The following HEXB variants were observed in gnomAD, a reference collection of about 807,000 sequenced individuals.
HEXB encodes the protein beta-hexosaminidase subunit beta.
HEXB carries 51 observed loss-of-function variants against 71.2 expected under a neutral mutation model. The ratio of observed to expected loss-of-function variants is 0.72; its 90% CI spans 0.57 to 0.90. HEXB has a LOEUF of 0.90. HEXB is among the 40% of genes least tolerant of loss of function. The probability of loss-of-function intolerance (pLI) is 0.00; values close to 1 mark genes in which losing one functional copy is unlikely to be tolerated. For synonymous variants in HEXB, 266 were observed against 249.3 expected (o/e 1.07, Z -0.63); for missense variants, 617 against 677.0 (o/e 0.91, Z 0.98).
At chr5:74,670,565 T>A (rs1423364270) in intron 1 of HEXB, among the ~76,000 whole-genome samples, 2 of 152,120 alleles carry the variant, frequency 1.3e-5, no homozygotes, top group East Asian at 3.9e-4. Flanking sequence ...TAACAGGAAG[T>A]AGCAGCAGGG....
chr5:74,641,460 G>T lies in HEXB; in HGVS notation c.-377+902G>T, dbSNP rs183604402. The T allele has an allele frequency of 7.2e-5, 11 of 152,452 alleles. No homozygotes were observed. The East Asian group carries it at 2.1e-3, about 29-fold the overall frequency. The allele number at this position is 152,452 out of a possible 1,614,324, so 9.4% of individuals were successfully genotyped here. A position where few individuals can be genotyped will look rare whatever the true frequency, so the allele number is the denominator to read the frequency against. On this transcript the variant is annotated intron_variant, in intron 1 of 13. Coordinates refer to the HEXB transcript ENST00000511181. This position sits in a 1 kb window ranked among gnomAD's most constrained non-coding sequence, Gnocchi z 4.1. Reference sequence around the variant, plus strand: ...AGGCGACTGCAGGGGCAGCCGGGGCGCAGTCCTGCGGGGCGCGCACCACGT... The same window carrying T: ...AGGCGACTGCAGGGGCAGCCGGGGCTCAGTCCTGCGGGGCGCGCACCACGT...
intron 6 of HEXB, among the ~76,000 whole-genome samples, chr5:74,712,060 A>G (rs1433451881): frequency 4.8e-5 from 7 of 145,532 alleles, no homozygotes; most frequent in Non-Finnish European, 1.1e-4. Context: ...GACTGGATTA[A>G]GAAAATGTGG....
intron 1 of HEXB, 37 bp downstream of exon 1, chr5:74,685,596 G>A: frequency 6.6e-7 from 1 of 1,513,848 alleles, no homozygotes; most frequent in Non-Finnish European, 8.8e-7. Flanking sequence ...TTGTCCTGGG[G>A]GAGGGGAGAG....
upstream of HEXB, among the ~76,000 whole-genome samples, chr5:74,683,821 C>CTTT (rs35751282): frequency 2.2e-5 from 3 of 135,802 alleles, no homozygotes; most frequent in African/African-American, 8.5e-5. Flanking sequence ...TCTTTTCTTT[C>CTTT]TTTTTTTTTT....
intron 1 of HEXB, among the ~76,000 whole-genome samples, chr5:74,668,445 C>T (rs1748475777): frequency 6.6e-6 from 1 of 152,128 alleles, no homozygotes; most frequent in African/African-American, 2.4e-5. Context: ...GGTAGCCTGG[C>T]CCCCGTGGCA....
At chr5:74,714,046 A>G (rs917932874) in intron 7 of HEXB, among the ~76,000 whole-genome samples, 1 of 152,224 alleles carries the variant, frequency 6.6e-6, no homozygotes, top group Non-Finnish European at 1.5e-5. Context: ...CGTGTTACCC[A>G]GGATGGTCTT....
At chr5:74,699,043 G>A (rs1749185314) in intron 5 of HEXB, among the ~76,000 whole-genome samples, 1 of 151,860 alleles carries the variant, frequency 6.6e-6, no homozygotes, top group Non-Finnish European at 1.5e-5. Flanking sequence ...AAATTAGCCA[G>A]GCGTGGTGGT....
intron 1 of HEXB, among the ~76,000 whole-genome samples, chr5:74,663,899 G>C (rs191976943): frequency 1.8e-3 from 280 of 152,302 alleles, no homozygotes; most frequent in Middle Eastern, 6.8e-3. Context: ...GCTGAGACAG[G>C]AGGATTGCTT....
At chr5:74,699,355 A>G (rs1034625792) in intron 5 of HEXB, among the ~76,000 whole-genome samples, 13 of 150,118 alleles carry the variant, frequency 8.7e-5, no homozygotes, top group African/African-American at 2.7e-4. Context: ...GCTCACTGCT[A>G]CCTCCGCCTC....
intron 6 of HEXB, among the ~76,000 whole-genome samples, chr5:74,707,259 C>T (rs1245151587): frequency 6.6e-6 from 1 of 152,224 alleles, no homozygotes; most frequent in Non-Finnish European, 1.5e-5. Flanking sequence ...AACTAACAAA[C>T]AGAAAGGACA....
Position 74,715,709 on chromosome 5 carries a change from A to AC in HEXB, c.1082+23dup. 3.9e-6 allele frequency: 6 copies of AC among 1,532,876 alleles called. No homozygotes were observed. The highest frequency in any genetic ancestry group is 4.5e-6 in the Non-Finnish European group (5 of 1,110,662). The allele number at this position is 1,532,876 out of a possible 1,614,324, so 95.0% of individuals were successfully genotyped here. A position where few individuals can be genotyped will look rare whatever the true frequency, so the allele number is the denominator to read the frequency against. On this transcript the variant is annotated intron_variant, in intron 8 of 13. Transcript: ENST00000261416. ...AATGTTGGTAAGATGATTCCTTAAAACCCCTTTAAAAAAAAAAAAAAGAGA... is the reference window on the plus strand; with the variant it reads ...AATGTTGGTAAGATGATTCCTTAAAACCCCCTTTAAAAAAAAAAAAAAGAGA...
At chr5:74,640,562 G>A in intron 1 of HEXB, 1 of 152,300 alleles carries the variant, frequency 6.6e-6, no homozygotes, top group Non-Finnish European at 1.5e-5. Context: ...CGTCACGGTA[G>A]GGCAGAGCAA....
intron 1 of HEXB, among the ~76,000 whole-genome samples, chr5:74,650,129 T>A (rs1242937501): frequency 6.6e-6 from 1 of 152,218 alleles, no homozygotes; most frequent in Non-Finnish European, 1.5e-5. Flanking sequence ...TCAGCTGAAG[T>A]TTGAAGTCTT....
chr5:74,712,379 A>G (rs940346194), intron 6 of HEXB, among the ~76,000 whole-genome samples: 4 of 151,826 alleles, frequency 2.6e-5, no homozygotes, highest in African/African-American at 9.7e-5. Flanking sequence ...ATGTATACAT[A>G]CGTAACTAAC....
At chr5:74,712,036 G>A (rs1354648806) in intron 6 of HEXB, among the ~76,000 whole-genome samples, 1 of 146,424 alleles carries the variant, frequency 6.8e-6, no homozygotes, top group East Asian at 2.0e-4. Context: ...CAACCCAAAT[G>A]TCCAACAATG....
intron 1 of HEXB, chr5:74,640,673 G>A (rs1747833780): frequency 6.6e-6 from 1 of 152,488 alleles, no homozygotes; most frequent in Non-Finnish European, 1.5e-5. Context: ...GTCTGGACCG[G>A]GTCTCCGCAG....
chr5:74,663,959 C>A lies in HEXB; in HGVS notation c.-377+23401C>A, dbSNP rs567907302. Reference sequence around the variant, plus strand: ...TGGGCAACATAGTGGGATCCTGTATCTACAAAAAACTTTAGGCCAGGCGTG... The same window carrying A: ...TGGGCAACATAGTGGGATCCTGTATATACAAAAAACTTTAGGCCAGGCGTG... On this transcript the variant is annotated intron_variant, in intron 1 of 13. Coordinates refer to the HEXB transcript ENST00000511181. 4.0e-5 allele frequency among the ~76,000 whole-genome samples: 6 copies of A among 151,368 alleles called. 1 individual carries two copies. In the South Asian group the frequency reaches 1.3e-3, roughly 32 times the overall value.
intron 1 of HEXB, among the ~76,000 whole-genome samples, chr5:74,645,165 T>C (rs1318234953): frequency 1.1e-5 from 1 of 89,166 alleles, no homozygotes; most frequent in African/African-American, 3.5e-5. Context: ...TGTCACCTTA[T>C]GTGTATTTTG....
At chr5:74,721,274 T>TTTTTATTGATTGAACC (rs1749861185) in exon 14 of HEXB, 1 of 976,840 alleles carries the variant, frequency 1.0e-6, no homozygotes, top group Non-Finnish European at 1.6e-6. Flanking sequence ...GAATAAAATA[T>TTTTTATTGATTGAACC]TTTTATTGAT....
Sources: gnomAD v4.1 joint callset for allele counts (sites outside exome capture counted in the v4.1 genomes callset) on GRCh38, gnomAD v4.1.1 for gene constraint, Gnocchi (gnomAD v3.1) non-coding constraint, MANE v1.5 for transcripts, NCBI Gene and HGNC (gene_info 2026-07-23, HGNC 2026-07-21) for gene names.